Variants in PRORP observed in about 807,000 individuals in gnomAD.
PRORP encodes the protein protein only RNase P catalytic subunit.
In PRORP, 51 loss-of-function variants were observed where a neutral mutation model predicts 59.4. The observed-to-expected ratio is 0.86, with a 90% confidence interval of 0.69 to 1.08. PRORP has a LOEUF of 1.08. PRORP is among the 50% of genes least tolerant of loss of function. The pLI is 0.00. For synonymous variants in PRORP, 231 were observed against 245.6 expected, an observed-to-expected ratio of 0.94 and a Z score of 0.55; for missense variants, 646 against 690.3, an observed-to-expected ratio of 0.94 and a Z score of 0.72.
intron 5 of PRORP, among the ~76,000 whole-genome samples, chr14:35,254,520 G>A (rs1220922956): frequency 6.6e-6 from 1 of 152,188 alleles, no homozygotes; most frequent in Non-Finnish European, 1.5e-5. Context: ...AGCCTCCTGA[G>A]TAGCTGGGAT....
chr14:35,200,901 C>G (rs1396984688), intron 5 of PRORP, among the ~76,000 whole-genome samples: 2 of 152,080 alleles, frequency 1.3e-5, no homozygotes, highest in African/African-American at 2.4e-5. Context: ...TGTCCTTGTT[C>G]TCTTCTGGAA....
At chr14:35,198,459 A>G (rs1269022125) in intron 5 of PRORP, among the ~76,000 whole-genome samples, 3 of 152,176 alleles carry the variant, frequency 2.0e-5, no homozygotes, top group Non-Finnish European at 4.4e-5. Context: ...AGCAATAACT[A>G]ATGCTAGGAA....
chr14:35,147,883 T>G (rs2047649613), intron 4 of PRORP, among the ~76,000 whole-genome samples: 1 of 152,268 alleles, frequency 6.6e-6, no homozygotes, highest in South Asian at 2.1e-4. Context: ...GAGTGAGTTT[T>G]ATTTCAAGAA....
At chr14:35,126,192 A>T (rs567705866) in intron 2 of PRORP, among the ~76,000 whole-genome samples, 1 of 152,292 alleles carries the variant, frequency 6.6e-6, no homozygotes, top group African/African-American at 2.4e-5. Flanking sequence ...AAGGCAGTAG[A>T]ATCATAAGAA....
chr14:35,190,626 C>T (rs560676068), intron 5 of PRORP, among the ~76,000 whole-genome samples: 1 of 152,086 alleles, frequency 6.6e-6, no homozygotes, highest in Non-Finnish European at 1.5e-5. Flanking sequence ...CTGCCTCAGC[C>T]GCCTGAGTAG....
At chr14:35,198,954 G>A (rs2049074596) in intron 5 of PRORP, among the ~76,000 whole-genome samples, 1 of 152,204 alleles carries the variant, frequency 6.6e-6, no homozygotes, top group African/African-American at 2.4e-5. Context: ...ATCACCTGAT[G>A]TCAGGAGTTT....
chr14:35,206,278 C>G (rs1470532440), intron 5 of PRORP, among the ~76,000 whole-genome samples: 1 of 152,138 alleles, frequency 6.6e-6, no homozygotes, highest in Non-Finnish European at 1.5e-5. Context: ...AGGTCATTAG[C>G]TGGGAGAGGA....
rs2046970295 is a variant in PRORP, at chr14:35,122,935, T to TAC, written c.-294-17_-294-16insAC. 1 of 290,732 alleles carries TAC rather than the reference T, an allele frequency of 3.4e-6. No individual in the cohort carries two copies. Among genetic ancestry groups the TAC allele is most frequent in the Non-Finnish European group, 6.5e-6 (1 of 152,870 alleles). The allele number at this position is 290,732 out of a possible 1,614,324, so 18.0% of individuals were successfully genotyped here. ...CGTGAGTAAAACTGGGCGTTCCGTC[T>TAC]TGTGCTTTTTCCTCAGGTTCATGAA... is the stretch of plus-strand genomic sequence containing the variant. On this transcript the variant is annotated splice_polypyrimidine_tract_variant and intron_variant, in intron 1 of 7. Transcript: ENST00000534898.
chr14:35,260,771 C>A (rs899816575), intron 5 of PRORP, among the ~76,000 whole-genome samples: 1 of 152,246 alleles, frequency 6.6e-6, no homozygotes, highest in African/African-American at 2.4e-5. Context: ...TAGCCCACCC[C>A]CTTTTTGAAG....
At chr14:35,183,817 C>T (rs895778205) in intron 5 of PRORP, among the ~76,000 whole-genome samples, 1 of 152,068 alleles carries the variant, frequency 6.6e-6, no homozygotes, top group African/African-American at 2.4e-5. Context: ...ATGGTTTCTT[C>T]CCCATTTTTT....
chr14:35,172,413 T>TTTCCTTCCTTCCTTCCTTCCTTCC lies in PRORP; in HGVS notation c.1168-8237_1168-8214dup, dbSNP rs71121269. Among the ~76,000 whole-genome samples the TTTCCTTCCTTCCTTCCTTCCTTCC allele has an allele frequency of 6.7e-3, 515 of 77,118 alleles. 4 individuals carry two copies. The highest frequency in any genetic ancestry group is 7.9e-3 in the Non-Finnish European group (298 of 37,874). The allele number at this position is 77,118 out of a possible 152,430, so 50.6% of individuals were successfully genotyped here. ...TCTACACTTTGGATTGGTTTCTTTC[T>TTTCCTTCCTTCCTTCCTTCCTTCC]TTCCTTCCTTCCTTCCTTCCTTCCT... On this transcript the variant is annotated intron_variant, in intron 4 of 7. Coordinates refer to ENST00000534898, the MANE Select transcript of PRORP (RefSeq NM_014672.4).
intron 5 of PRORP, among the ~76,000 whole-genome samples, chr14:35,225,636 C>T (rs182180394): frequency 1.1e-3 from 160 of 152,154 alleles, no homozygotes; most frequent in African/African-American, 3.7e-3. Flanking sequence ...CATGAGCCAC[C>T]GCGCCTGGCC....
chr14:35,144,720 C>T (rs77393255), intron 4 of PRORP, among the ~76,000 whole-genome samples: 1,966 of 146,022 alleles, frequency 0.013, 128 homozygotes, highest in African/African-American at 0.042. Flanking sequence ...AGGCATATAA[C>T]GTCTTAGCAT....
intron 5 of PRORP, among the ~76,000 whole-genome samples, chr14:35,191,385 A>G (rs1285513635): frequency 6.6e-6 from 1 of 152,182 alleles, no homozygotes; most frequent in African/African-American, 2.4e-5. Context: ...TTTTCATTAT[A>G]AATTACCCAG....
intron 5 of PRORP, among the ~76,000 whole-genome samples, chr14:35,259,334 T>C (rs1566533177): frequency 1.3e-5 from 2 of 152,158 alleles, no homozygotes; most frequent in Admixed American, 1.3e-4. Context: ...ACCAGTCTAT[T>C]TGATTATATT....
At chr14:35,178,942 A>G (rs1238790927) in intron 4 of PRORP, among the ~76,000 whole-genome samples, 1 of 152,164 alleles carries the variant, frequency 6.6e-6, no homozygotes, top group Non-Finnish European at 1.5e-5. Context: ...CCTGGTGGTG[A>G]CAAAATCTCT....
At chr14:35,182,012 C>T (rs570837895) in intron 5 of PRORP, among the ~76,000 whole-genome samples, 2 of 152,138 alleles carry the variant, frequency 1.3e-5, no homozygotes, top group African/African-American at 4.8e-5. Flanking sequence ...ACCTGTAATC[C>T]CAGCACTTTG....
chr14:35,245,341 G>C (rs1312760961), intron 5 of PRORP, among the ~76,000 whole-genome samples: 1 of 152,134 alleles, frequency 6.6e-6, no homozygotes, highest in African/African-American at 2.4e-5. Context: ...GGCATTCTGT[G>C]CTCCAGTTAA....
intron 4 of PRORP, among the ~76,000 whole-genome samples, chr14:35,152,717 G>A (rs2047799281): frequency 6.6e-6 from 1 of 151,294 alleles, no homozygotes; most frequent in Non-Finnish European, 1.5e-5. Flanking sequence ...TCTCAGACGG[G>A]TCGGCCGGGC....
Sources: gnomAD v4.1 joint callset for allele counts (sites outside exome capture counted in the v4.1 genomes callset) on GRCh38, gnomAD v4.1.1 for gene constraint, MANE v1.5 for transcripts, NCBI Gene and HGNC (gene_info 2026-07-23, HGNC 2026-07-21) for gene names.